The following KCNT2 variants were observed in gnomAD, a reference collection of about 807,000 sequenced individuals.
The protein encoded by KCNT2 is potassium sodium-activated channel subfamily T member 2.
Under a neutral mutation model 153.8 loss-of-function variants are expected in KCNT2, and 67 were observed. The observed-to-expected ratio is 0.44, with a 90% CI of 0.36 to 0.53. The LOEUF (loss-of-function observed/expected upper bound fraction) is 0.53. Ranked by LOEUF, KCNT2 falls within the 20% of genes least tolerant of loss-of-function variation. KCNT2 has a pLI of 0.00. For synonymous variants in KCNT2, 500 were observed against 458.8 expected (o/e 1.09, Z -1.15); for missense variants, 975 against 1,354.8 (o/e 0.72, Z 4.40).
chr1:196,338,800 A>C (rs1010850233), intron 16 of KCNT2, among the ~76,000 whole-genome samples: 1 of 151,910 alleles, frequency 6.6e-6, no homozygotes, highest in African/African-American at 2.4e-5. Flanking sequence ...GGTGGTGGAC[A>C]TGGAAAAAAA....
chr1:196,393,861 C>A (rs1670694450), intron 13 of KCNT2, among the ~76,000 whole-genome samples: 1 of 151,396 alleles, frequency 6.6e-6, no homozygotes, highest in Non-Finnish European at 1.5e-5. Flanking sequence ...ATCGCTACAC[C>A]CACAAGAGCT....
At chr1:196,451,217 CTTTTTTTTTTTTT>C (rs561944079) in intron 8 of KCNT2, among the ~76,000 whole-genome samples, 9 of 63,560 alleles carry the variant, frequency 1.4e-4, no homozygotes, top group East Asian at 7.1e-4. Flanking sequence ...ATCCCTCTTT[CTTTTTTTTTTTTT>C]TTTTTTTTTT....
At chr1:196,600,263 G>A (rs991397265) in intron 1 of KCNT2, among the ~76,000 whole-genome samples, 1 of 152,158 alleles carries the variant, frequency 6.6e-6, no homozygotes, top group Non-Finnish European at 1.5e-5. Context: ...TTCTACATGA[G>A]AGGTATGCAA....
chr1:196,504,204 A>G (rs1216153302), intron 1 of KCNT2, among the ~76,000 whole-genome samples: 1 of 151,716 alleles, frequency 6.6e-6, no homozygotes, highest in Non-Finnish European at 1.5e-5. Flanking sequence ...ATCTAGCATT[A>G]GGTATATCTC....
intron 1 of KCNT2, among the ~76,000 whole-genome samples, chr1:196,605,001 T>C (rs778531304): frequency 2.0e-5 from 3 of 152,150 alleles, no homozygotes; most frequent in Non-Finnish European, 4.4e-5. Flanking sequence ...AATAGGCCCA[T>C]CAATATTATG....
intron 22 of KCNT2, among the ~76,000 whole-genome samples, chr1:196,299,915 A>G (rs1268456171): frequency 6.6e-6 from 1 of 152,220 alleles, no homozygotes; most frequent in African/African-American, 2.4e-5. Flanking sequence ...AATATTATGG[A>G]TCTGTAAAAA....
intron 8 of KCNT2, among the ~76,000 whole-genome samples, chr1:196,444,859 A>G (rs1675552378): frequency 6.6e-6 from 1 of 151,300 alleles, no homozygotes; most frequent in Non-Finnish European, 1.5e-5. Flanking sequence ...CAGCAAATAT[A>G]TTTACACTAA....
In KCNT2 at chr1:196,492,351, G is replaced by A; in HGVS notation, c.96-10C>T. On this transcript the variant is annotated splice_polypyrimidine_tract_variant and intron_variant, in intron 1 of 27. Transcript: ENST00000294725. ...GAATTCAACTTGTACCCTGCAAACA[G>A]AAAATAAAAACATGTAAATGTATGC... The A allele has an allele frequency of 2.2e-6, 3 of 1,358,540 alleles. No homozygotes were observed. The highest frequency in any genetic ancestry group is 2.0e-6 in the Non-Finnish European group (2 of 1,023,692). The allele number at this position is 1,358,540 out of a possible 1,614,324, so 84.2% of individuals were successfully genotyped here.
chr1:196,237,816 C>T (rs766392224), intron 26 of KCNT2, among the ~76,000 whole-genome samples: 5 of 151,676 alleles, frequency 3.3e-5, no homozygotes, highest in Non-Finnish European at 5.9e-5. Flanking sequence ...ATTAGAATTC[C>T]AATGAATATA....
intron 1 of KCNT2, among the ~76,000 whole-genome samples, chr1:196,544,197 A>C (rs1021777289): frequency 6.6e-6 from 1 of 152,118 alleles, no homozygotes; most frequent in East Asian, 1.9e-4. Flanking sequence ...ATCACAAGAA[A>C]ACTTGATGCA....
chr1:196,562,627 A>G (rs1659563005), intron 1 of KCNT2, among the ~76,000 whole-genome samples: 2 of 151,982 alleles, frequency 1.3e-5, no homozygotes, highest in African/African-American at 2.4e-5. Context: ...AACTGGGGGA[A>G]AAAAACAAAA....
chr1:196,520,620 G>A (rs1419300478), intron 1 of KCNT2, among the ~76,000 whole-genome samples: 2 of 151,952 alleles, frequency 1.3e-5, no homozygotes, highest in Non-Finnish European at 1.5e-5. Flanking sequence ...ATGAAACATG[G>A]TAGAGAACCC....
intron 21 of KCNT2, among the ~76,000 whole-genome samples, chr1:196,311,330 C>A (rs1022179885): frequency 2.6e-5 from 4 of 151,692 alleles, no homozygotes; most frequent in African/African-American, 9.7e-5. Flanking sequence ...CTCAATAAAC[C>A]TAGGGGCCAA....
At chr1:196,505,138 TG>T (rs1681026494) in intron 1 of KCNT2, among the ~76,000 whole-genome samples, 1 of 152,128 alleles carries the variant, frequency 6.6e-6, no homozygotes, top group African/African-American at 2.4e-5. Flanking sequence ...CTTTTGGTGT[TG>T]TAGACATGAA....
At chr1:196,570,852 C>T (rs1660699675) in intron 1 of KCNT2, among the ~76,000 whole-genome samples, 1 of 151,998 alleles carries the variant, frequency 6.6e-6, no homozygotes, top group South Asian at 2.1e-4. Context: ...AAAACAGTTG[C>T]CCATAACTAA....
intron 1 of KCNT2, among the ~76,000 whole-genome samples, chr1:196,574,274 TAA>T (rs1661107800): frequency 6.6e-6 from 1 of 151,892 alleles, no homozygotes; most frequent in South Asian, 2.1e-4. Context: ...TTAATCAACT[TAA>T]GAGTCTATCT....
At chr1:196,240,674 A>G (rs1654870964) in intron 26 of KCNT2, among the ~76,000 whole-genome samples, 1 of 152,006 alleles carries the variant, frequency 6.6e-6, no homozygotes, top group Admixed American at 6.6e-5. Context: ...GGACTAAACT[A>G]AAGTGAGAGA....
intron 20 of KCNT2, among the ~76,000 whole-genome samples, chr1:196,319,002 C>T (rs780304355): frequency 4.0e-5 from 6 of 151,570 alleles, no homozygotes; most frequent in African/African-American, 7.3e-5. Context: ...ACACATATGA[C>T]CTTTTCATTA....
At chr1:196,415,139 C>A (rs778169948) in intron 12 of KCNT2, among the ~76,000 whole-genome samples, 8 of 151,834 alleles carry the variant, frequency 5.3e-5, no homozygotes, top group Non-Finnish European at 1.2e-4. Flanking sequence ...CATGTATTCA[C>A]CATACAGTCC....
Sources: gnomAD v4.1 joint callset for allele counts (sites outside exome capture counted in the v4.1 genomes callset) on GRCh38, gnomAD v4.1.1 for gene constraint, MANE v1.5 for transcripts, NCBI Gene and HGNC (gene_info 2026-07-23, HGNC 2026-07-21) for gene names.